The following EP400 variants were observed in gnomAD, a reference collection of about 807,000 sequenced individuals.
The protein encoded by EP400 is E1A binding protein p400.
Under a neutral mutation model 354.1 loss-of-function variants are expected in EP400, and 105 were observed. The ratio of observed to expected loss-of-function variants is 0.30; its 90% CI spans 0.25 to 0.35. EP400 has a LOEUF of 0.35. Among genes scored for constraint, EP400 ranks in the 10% least tolerant of loss-of-function variants. The pLI, the probability that EP400 is intolerant of heterozygous loss-of-function variation, is 1.00. For missense variants in EP400, 3,280 were observed against 4,121.0 expected (o/e 0.80, Z 5.59); for synonymous variants, 1,646 against 1,716.9 (o/e 0.96, Z 1.02).
chr12:132,074,027 A>C (rs189974637), intron 51 of EP400, among the ~76,000 whole-genome samples: 591 of 139,616 alleles, frequency 4.2e-3, no homozygotes, highest in Non-Finnish European at 7.4e-3. Context: ...CACATTCAAG[A>C]GATTCTCCCG....
chr12:131,967,677 G>A (rs1242051273), intron 2 of EP400, among the ~76,000 whole-genome samples: 2 of 151,272 alleles, frequency 1.3e-5, no homozygotes, highest in African/African-American at 2.4e-5. Flanking sequence ...GCGACAGAGT[G>A]AGACTCTGTC....
At chr12:131,956,325 C>G (rs771409598) in intron 1 of EP400, among the ~76,000 whole-genome samples, 1 of 152,098 alleles carries the variant, frequency 6.6e-6, no homozygotes, top group Non-Finnish European at 1.5e-5. Context: ...TCAGTGGGTC[C>G]TTTTCTGTAT....
intron 51 of EP400, 179 bp from the exon 52 acceptor site, chr12:132,076,337 A>G (rs1593393907): frequency 2.8e-6 from 2 of 706,484 alleles, no homozygotes; most frequent in East Asian, 2.7e-5. Context: ...TTGACTCACC[A>G]TGCAGTGGAA....
At chr12:131,970,380 T>A (rs1278155203) in intron 2 of EP400, among the ~76,000 whole-genome samples, 1 of 152,174 alleles carries the variant, frequency 6.6e-6, no homozygotes, top group Non-Finnish European at 1.5e-5. Flanking sequence ...TGGAGCTTGG[T>A]CTAGTTATTT....
chr12:132,002,397 G>A (rs1187644906), intron 12 of EP400, among the ~76,000 whole-genome samples: 2 of 152,010 alleles, frequency 1.3e-5, no homozygotes, highest in South Asian at 2.1e-4. Flanking sequence ...CTTGTTGTAG[G>A]GGCTATCTGA....
At chr12:132,056,219 A>G (rs889445059) in intron 45 of EP400, among the ~76,000 whole-genome samples, 1 of 152,148 alleles carries the variant, frequency 6.6e-6, no homozygotes, top group Admixed American at 6.5e-5. Flanking sequence ...CCCAGGGGCA[A>G]CATACCCTGA....
Position 132,064,773 on chromosome 12 carries a change from C to G in EP400, c.8440C>G (p.Gln2814Glu). 1 of 1,613,286 alleles carries G rather than the reference C, an allele frequency of 6.2e-7. No individual in the cohort carries two copies. Among genetic ancestry groups the G allele is most frequent in the Non-Finnish European group, 8.5e-7 (1 of 1,179,888 alleles). ...GCAGCCAACAGCCCAAGTGCAAGTG[C>G]AGACCTCGCAGCCGCCGCAGCAGCA... ...PPQPTAQVQV[Q>E]TSQPPQQQSP... Residue 2814 changes from glutamine to glutamate, a missense_variant, in exon 48 of 53, where the codon CAG becomes GAG. Gln to Glu is a conservative substitution (Grantham distance 29, BLOSUM62 2). Coordinates refer to ENST00000389561, the MANE Select transcript of EP400 (RefSeq NM_015409.5).
rs1896269339 is a variant in EP400, at chr12:132,077,389, C to G, written c.9100-12C>G. Reference sequence around the variant, plus strand: ...CCTGGGCAATGTGTGTTTTCTGACTCTCTCGGCTCAGGCTTCTCCACAGAC... The same window carrying G: ...CCTGGGCAATGTGTGTTTTCTGACTGTCTCGGCTCAGGCTTCTCCACAGAC... On this transcript the variant is annotated splice_polypyrimidine_tract_variant and intron_variant, in intron 52 of 52. Transcript: ENST00000389561. The G allele has an allele frequency of 1.2e-6, 2 of 1,604,296 alleles. No homozygotes were observed. The highest frequency in any genetic ancestry group is 2.7e-5 in the African/African-American group (2 of 74,746).
chr12:131,997,076 T>C lies in EP400; in HGVS notation c.2827+2120T>C, dbSNP rs1040998259. Among the ~76,000 whole-genome samples, 3 of 152,098 alleles carry C rather than the reference T, an allele frequency of 2.0e-5. No homozygotes were observed. The East Asian group carries it at 5.8e-4, about 29-fold the overall frequency. On this transcript the variant is annotated intron_variant, in intron 12 of 52. Transcript: ENST00000389561. ...TATTATAGCCATGAGGAAAAAAAAA[T>C]TGGTTTTGTTATACAGTTGACCCTT...
chr12:131,982,655 A>C (rs1234189440), intron 5 of EP400, among the ~76,000 whole-genome samples, 177 bp downstream of exon 5: 1 of 152,184 alleles, frequency 6.6e-6, no homozygotes, highest in East Asian at 1.9e-4. Flanking sequence ...ATTTGGCTCT[A>C]TGATATTATC....
rs573080787 is a variant in EP400, at chr12:131,986,554, C to A, written c.1970C>A (p.Pro657His). 1 of 1,613,538 alleles carries A rather than the reference C, an allele frequency of 6.2e-7. No individual in the cohort carries two copies. The highest frequency in any genetic ancestry group is 1.1e-5 in the South Asian group (1 of 91,034). Residue 657 changes from proline to histidine, a missense_variant, in exon 6 of 53, where the codon CCC becomes CAC. Around this residue, in one of 20 missense-constraint regions of EP400, gnomAD observed 800 missense variants for 840.0 expected, o/e 0.95. Transcript: ENST00000389561. ...AGGCTCCCTGTGGACCCTGCCCCGC[C>A]CTGCCCACGGCCTCTGCCCACCTCT... ...STRLPVDPAP[P>H]CPRPLPTSST...
rs558068965 is a variant in EP400 at position 132,043,699 on chromosome 12, A to T, written c.6421A>T (p.Ile2141Phe). ...TTACCTGGAATTATTCCATACTTCT[A>T]TTGAGCAAGAAAAGGAGAGAAACAG... ...LNYLELFHTS[I>F]EQEKERNSED... Residue 2141 changes from isoleucine to phenylalanine, a missense_variant, in exon 34 of 53, where the codon ATT (isoleucine) becomes TTT (phenylalanine). Physicochemically the swap from Ile to Phe is conservative, Grantham distance 21. Around this residue, in one of 20 missense-constraint regions of EP400, gnomAD observed 231 missense variants for 257.9 expected, o/e 0.90. Coordinates refer to ENST00000389561, the MANE Select transcript of EP400 (RefSeq NM_015409.5). The T allele has an allele frequency of 6.2e-7, 1 of 1,611,542 alleles. No individual in the cohort carries two copies. Among genetic ancestry groups the T allele is most frequent in the South Asian group, 1.1e-5 (1 of 89,924 alleles).
chr12:132,062,733 G>T (rs1232080416), intron 47 of EP400, 32 bp downstream of exon 47: 7 of 1,608,306 alleles, frequency 4.4e-6, no homozygotes, highest in Non-Finnish European at 6.0e-6. Flanking sequence ...ATGAACGTGT[G>T]CGTCTTGCGG....
intron 6 of EP400, 22 bp downstream of exon 6, chr12:131,986,829 G>T: frequency 6.3e-7 from 1 of 1,579,354 alleles, no homozygotes; most frequent in Non-Finnish European, 8.6e-7. Flanking sequence ...TAAGAAAGTT[G>T]TAAAATGTAC....
In EP400 at chr12:132,016,285, C is replaced by T. The variant is rs1213291580; in HGVS notation, c.3924-1250C>T. Among the ~76,000 whole-genome samples the T allele has an allele frequency of 2.6e-5, 4 of 152,240 alleles. No homozygotes were observed. In the East Asian group the frequency reaches 5.8e-4, roughly 22 times the overall value. On this transcript the variant is annotated intron_variant, in intron 19 of 52. Coordinates refer to ENST00000389561, the MANE Select transcript of EP400 (RefSeq NM_015409.5). Reference sequence around the variant, plus strand: ...TTTCTCAGCCCCCATGCAATGTGCTCCTCACGCATCAAGGCCTAGCTGTGT... The same window carrying T: ...TTTCTCAGCCCCCATGCAATGTGCTTCTCACGCATCAAGGCCTAGCTGTGT...
At chr12:132,064,615 A>G in intron 47 of EP400, 53 bp from the exon 48 acceptor site, 2 of 1,581,162 alleles carry the variant, frequency 1.3e-6, no homozygotes, top group Non-Finnish European at 1.7e-6. Context: ...ATGTCTACTT[A>G]AAGAATGGAG....
chr12:131,974,151 G>A (rs972116180), intron 2 of EP400, among the ~76,000 whole-genome samples: 1 of 151,720 alleles, frequency 6.6e-6, no homozygotes, highest in Non-Finnish European at 1.5e-5. Context: ...GCTAATTTTT[G>A]TATTTTTAGT....
In EP400 at chr12:132,070,258, A is replaced by T. The variant is rs1896028908; in HGVS notation, c.9021+617A>T. 6.6e-6 allele frequency among the ~76,000 whole-genome samples: 1 copy of T among 152,246 alleles called. No homozygotes were observed. Among genetic ancestry groups the T allele is most frequent in the Non-Finnish European group, 1.5e-5 (1 of 68,044 alleles). ...GCAGGGGAGTTTTACCTTCTCAGCT[A>T]GTCTTACATCCTCTGGGAATTGGTT... On this transcript the variant is annotated intron_variant, in intron 51 of 52. Transcript: ENST00000389561. The surrounding 1 kb of genome is among the most constrained non-coding windows in gnomAD (Gnocchi z 4.1).
At position 132,029,548 on chromosome 12, in the gene EP400, G is replaced by A; in HGVS notation, c.5382-153G>A. 1.2e-6 allele frequency: 1 copy of A among 808,466 alleles called. No homozygotes were observed. Among genetic ancestry groups the A allele is most frequent in the Non-Finnish European group, 2.0e-6 (1 of 512,348 alleles). 50.1% of individuals were successfully genotyped at this position (808,466 alleles called of 1,614,324 possible). On this transcript the variant is annotated intron_variant, in intron 27 of 52. Coordinates refer to ENST00000389561, the MANE Select transcript of EP400 (RefSeq NM_015409.5). The surrounding 1 kb of genome is among the most constrained non-coding windows in gnomAD (Gnocchi z 4.7). ...TCTGCCTCGTTGGGCCCCTGCCCGT[G>A]TGCCAACACCCACATCCCCATGTGA...
Sources: allele counts gnomAD v4.1 joint callset (sites outside exome capture counted in the v4.1 genomes callset), GRCh38; gene constraint gnomAD v4.1.1; regional missense constraint gnomAD v4.1.1; non-coding constraint Gnocchi (gnomAD v3.1); transcripts MANE v1.5; gene names NCBI Gene and HGNC (gene_info 2026-07-23, HGNC 2026-07-21).